CFAP299: variants seen among roughly 807,000 people sequenced by gnomAD.
CFAP299 encodes cilia- and flagella-associated protein 299.
Under a neutral mutation model 27.0 loss-of-function variants are expected in CFAP299, and 21 were observed. The ratio of observed to expected loss-of-function variants is 0.78; its 90% CI spans 0.55 to 1.12. The LOEUF is 1.12. CFAP299 is among the 50% of genes most tolerant of loss of function. CFAP299 has a pLI of 0.00. For synonymous variants in CFAP299, 104 were observed against 98.1 expected (o/e 1.06, Z -0.36); for missense variants, 310 against 276.6 (o/e 1.12, Z -0.86).
intron 3 of CFAP299, among the ~76,000 whole-genome samples, chr4:80,782,856 T>A (rs900280208): frequency 1.3e-5 from 2 of 151,370 alleles, no homozygotes; most frequent in African/African-American, 4.8e-5. Flanking sequence ...TATATCAGTG[T>A]ATCCATATCC....
chr4:80,953,083 A>T (rs1393154373), intron 5 of CFAP299, among the ~76,000 whole-genome samples: 1 of 152,194 alleles, frequency 6.6e-6, no homozygotes, highest in Non-Finnish European at 1.5e-5. Context: ...TTTGAAAAAC[A>T]AACAAACAAA....
intron 2 of CFAP299, among the ~76,000 whole-genome samples, chr4:80,372,710 C>T (rs959073765): frequency 3.9e-5 from 6 of 152,112 alleles, no homozygotes; most frequent in Non-Finnish European, 7.4e-5. Flanking sequence ...TTCATCCTTT[C>T]CAATCAGCGT....
rs573509098 is a variant in CFAP299, at chr4:80,725,365, C to T, written c.333+142182C>T. ...TTTCTATTTTTTTCTTCATTGATTACGTTTCCTGTGAATCACTTTCTCTTC... is the reference window on the plus strand; with the variant it reads ...TTTCTATTTTTTTCTTCATTGATTATGTTTCCTGTGAATCACTTTCTCTTC... On this transcript the variant is annotated intron_variant, in intron 3 of 5. Transcript: ENST00000358105. Among the ~76,000 whole-genome samples, 39 of 151,964 alleles carry T rather than the reference C, an allele frequency of 2.6e-4. No individual in the cohort carries two copies. The East Asian group carries it at 3.5e-3, about 14-fold the overall frequency.
At chr4:80,560,849 T>C (rs1231172574) in intron 2 of CFAP299, among the ~76,000 whole-genome samples, 1 of 152,080 alleles carries the variant, frequency 6.6e-6, no homozygotes, top group African/African-American at 2.4e-5. Flanking sequence ...CCTTGACTCC[T>C]GGATGGTGTT....
chr4:80,610,863 G>T (rs1737931306), intron 3 of CFAP299, among the ~76,000 whole-genome samples: 1 of 151,962 alleles, frequency 6.6e-6, no homozygotes, highest in Non-Finnish European at 1.5e-5. Context: ...TGCTCTGGGT[G>T]GCTGATAACC....
chr4:80,894,419 T>G (rs1734509547), intron 4 of CFAP299, among the ~76,000 whole-genome samples: 1 of 152,042 alleles, frequency 6.6e-6, no homozygotes, highest in African/African-American at 2.4e-5. Context: ...GTGTGTTTAT[T>G]TTATGTACCA....
At chr4:80,581,890 C>A (rs78391809) in intron 2 of CFAP299, among the ~76,000 whole-genome samples, 8,236 of 151,902 alleles carry the variant, frequency 0.054, 587 homozygotes, top group African/African-American at 0.17. Context: ...TTTCTGGTAG[C>A]ATGAGCACAC....
At chr4:80,644,398 A>G (rs1051016907) in intron 3 of CFAP299, among the ~76,000 whole-genome samples, 1 of 152,114 alleles carries the variant, frequency 6.6e-6, no homozygotes, top group African/African-American at 2.4e-5. Context: ...TAAATTCAAG[A>G]CTAAAAATCA....
chr4:80,854,078 A>G lies in CFAP299; in HGVS notation c.334-15915A>G, dbSNP rs560975921. On this transcript the variant is annotated intron_variant, in intron 3 of 5. Transcript: ENST00000358105. Reference sequence around the variant, plus strand: ...ACTCCAAAATTTAGAGGTCAGGAAGAAGAGAAGGAGCCAATTAAGAAGAGA... The same window carrying G: ...ACTCCAAAATTTAGAGGTCAGGAAGGAGAGAAGGAGCCAATTAAGAAGAGA... Among the ~76,000 whole-genome samples the G allele has an allele frequency of 1.7e-3, 264 of 152,328 alleles. 1 individual carries two copies. The highest frequency in any genetic ancestry group is 2.9e-3 in the Non-Finnish European group (198 of 68,028).
intron 2 of CFAP299, among the ~76,000 whole-genome samples, chr4:80,537,543 TG>T (rs1449342463): frequency 2.6e-5 from 4 of 152,078 alleles, no homozygotes; most frequent in Non-Finnish European, 5.9e-5. Context: ...ACAACACGGA[TG>T]AACCAGAAGG....
At chr4:80,427,983 T>C (rs895988139) in intron 2 of CFAP299, among the ~76,000 whole-genome samples, 2 of 152,174 alleles carry the variant, frequency 1.3e-5, no homozygotes, top group African/African-American at 4.8e-5. Flanking sequence ...AAAGAACCAT[T>C]GGGCGATTGT....
chr4:80,380,627 C>T (rs1028941820), intron 2 of CFAP299, among the ~76,000 whole-genome samples: 1 of 151,978 alleles, frequency 6.6e-6, no homozygotes, highest in Non-Finnish European at 1.5e-5. Context: ...CAAGGTTTTG[C>T]CATGTTGGCC....
chr4:80,432,811 C>T (rs751398205), intron 2 of CFAP299, among the ~76,000 whole-genome samples: 16 of 152,040 alleles, frequency 1.1e-4, no homozygotes, highest in Non-Finnish European at 1.8e-4. Context: ...TGTGAGCCAC[C>T]GTGCCCGGCC....
At position 80,362,117 on chromosome 4, in the gene CFAP299, GTT is replaced by G. The variant is rs57450068; in HGVS notation, c.112-625_112-624del. Among the ~76,000 whole-genome samples, 178 of 145,630 alleles carry G rather than the reference GTT, an allele frequency of 1.2e-3. 1 individual carries two copies. The highest frequency in any genetic ancestry group is 4.0e-3 in the African/African-American group (160 of 39,858). Reference sequence around the variant, plus strand: ...AGTGTAAGGCCTAAAATACTGGGAAGTTTTTTTTTTTTTCAATTTGAAATTTT... The same window carrying G: ...AGTGTAAGGCCTAAAATACTGGGAAGTTTTTTTTTTTCAATTTGAAATTTT... On this transcript the variant is annotated intron_variant, in intron 1 of 5. Transcript: ENST00000358105.
At chr4:80,896,647 T>TA (rs780870477) in intron 4 of CFAP299, among the ~76,000 whole-genome samples, 18 of 152,168 alleles carry the variant, frequency 1.2e-4, no homozygotes, top group Non-Finnish European at 2.2e-4. Context: ...AATTGAATGA[T>TA]AGTTTTTCTC....
chr4:80,811,730 T>C (rs1729163568), intron 3 of CFAP299, among the ~76,000 whole-genome samples: 1 of 152,068 alleles, frequency 6.6e-6, no homozygotes. Flanking sequence ...ACTTCAAAGA[T>C]TGAAGATAAG....
chr4:80,928,548 A>G (rs1432894312), intron 4 of CFAP299, among the ~76,000 whole-genome samples: 1 of 152,154 alleles, frequency 6.6e-6, no homozygotes, highest in African/African-American at 2.4e-5. Context: ...CTCAATATTC[A>G]TAATGTAAAA....
chr4:80,665,491 G>A (rs1741102431), intron 3 of CFAP299, among the ~76,000 whole-genome samples: 1 of 151,758 alleles, frequency 6.6e-6, no homozygotes. Context: ...CTGTACATTT[G>A]TTGTATCCTT....
At chr4:80,952,638 G>T (rs909183310) in intron 5 of CFAP299, among the ~76,000 whole-genome samples, 1 of 152,054 alleles carries the variant, frequency 6.6e-6, no homozygotes, top group Non-Finnish European at 1.5e-5. Context: ...CTGAGCAAAA[G>T]ACTAGACACA....
Sources: allele counts gnomAD v4.1 joint callset (sites outside exome capture counted in the v4.1 genomes callset), GRCh38; gene constraint gnomAD v4.1.1; transcripts MANE v1.5; gene names NCBI Gene and HGNC (gene_info 2026-07-23, HGNC 2026-07-21).